Variants in RBBP8 observed in about 807,000 individuals in gnomAD.
RBBP8 encodes RB binding protein 8, endonuclease.
Under a neutral mutation model 108.3 loss-of-function variants are expected in RBBP8, and 88 were observed. The ratio of observed to expected loss-of-function variants is 0.81; its 90% CI spans 0.68 to 0.97. The LOEUF is 0.97. RBBP8 is among the 50% of genes least tolerant of loss of function. RBBP8 has a pLI of 0.00. For synonymous variants in RBBP8, 332 were observed against 348.2 expected (o/e 0.95, Z 0.52); for missense variants, 1,023 against 1,049.0 (o/e 0.98, Z 0.34).
chr18:22,939,462 G>A (rs1471433882), intron 2 of RBBP8, among the ~76,000 whole-genome samples: 1 of 151,962 alleles, frequency 6.6e-6, no homozygotes, highest in East Asian at 1.9e-4. Context: ...GGAGGCGGAG[G>A]TTGCAGTGAG....
At chr18:22,985,104 G>T in intron 8 of RBBP8, 114 bp downstream of exon 8, 1 of 1,403,760 alleles carries the variant, frequency 7.1e-7, no homozygotes, top group East Asian at 2.7e-5. Flanking sequence ...ATATAATTTT[G>T]TTTATATTAC....
chr18:22,963,063 A>G (rs149421532), intron 4 of RBBP8, among the ~76,000 whole-genome samples: 1,573 of 152,234 alleles, frequency 0.01, 23 homozygotes, highest in African/African-American at 0.036. Context: ...ATTTATTCAG[A>G]GTAGGAGATC....
Position 22,993,389 on chromosome 18 carries a change from TTTA to T in RBBP8, c.1564_1566del (p.Tyr522del). 1.9e-6 allele frequency: 3 copies of T among 1,614,240 alleles called. No homozygotes were observed. The highest frequency in any genetic ancestry group is 2.5e-6 in the Non-Finnish European group (3 of 1,180,038). ...AAAAACAAATTTAGGCAAGTGACTCTTTATGAGGCTTTGAAGACCATTCCAAAG... is the reference window on the plus strand; with the variant it reads ...AAAAACAAATTTAGGCAAGTGACTCTTGAGGCTTTGAAGACCATTCCAAAG... On this transcript the variant is annotated inframe_deletion, in exon 11 of 19. Coordinates refer to ENST00000327155, the MANE Select transcript of RBBP8 (RefSeq NM_002894.3).
chr18:22,976,177 T>A (rs948292961), intron 6 of RBBP8, among the ~76,000 whole-genome samples: 21 of 152,144 alleles, frequency 1.4e-4, no homozygotes, highest in African/African-American at 5.1e-4. Flanking sequence ...ACTGGTATAC[T>A]TTTAGGATAA....
At chr18:22,972,246 A>G (rs1383775901) in intron 5 of RBBP8, among the ~76,000 whole-genome samples, 2 of 149,226 alleles carry the variant, frequency 1.3e-5, no homozygotes, top group African/African-American at 4.9e-5. Flanking sequence ...AATCCCAGCT[A>G]CTCGGAAGGC....
At chr18:22,955,702 C>T (rs1004559325) in intron 4 of RBBP8, among the ~76,000 whole-genome samples, 1 of 151,952 alleles carries the variant, frequency 6.6e-6, no homozygotes, top group East Asian at 1.9e-4. Context: ...CTCAGCCTCC[C>T]GAGTGGCTGG....
intron 18 of RBBP8, among the ~76,000 whole-genome samples, chr18:23,022,672 T>TAAAAAAAATAAAATAAAATAAA (rs1169553930): frequency 8.5e-6 from 1 of 117,832 alleles, no homozygotes. Context: ...ATAAAATAAA[T>TAAAAAAAATAAAATAAAATAAA]AACTGTATAT....
intron 7 of RBBP8, among the ~76,000 whole-genome samples, chr18:22,983,099 T>A (rs1915057768): frequency 6.6e-6 from 1 of 152,248 alleles, no homozygotes; most frequent in Admixed American, 6.5e-5. Flanking sequence ...CCAGCCTAGT[T>A]TATCATTTCT....
At chr18:22,959,745 T>A (rs1912909105) in intron 4 of RBBP8, among the ~76,000 whole-genome samples, 1 of 152,050 alleles carries the variant, frequency 6.6e-6, no homozygotes, top group Non-Finnish European at 1.5e-5. Flanking sequence ...TTTGTGTGTG[T>A]GTGTGTGTAT....
At chr18:22,947,930 C>G (rs1204084988) in intron 3 of RBBP8, among the ~76,000 whole-genome samples, 2 of 152,018 alleles carry the variant, frequency 1.3e-5, no homozygotes, top group Non-Finnish European at 2.9e-5. Context: ...TACTGTCATG[C>G]TCTGCGTTAT....
chr18:22,951,956 CAGAA>C (rs1305840269), intron 4 of RBBP8, among the ~76,000 whole-genome samples: 1 of 152,140 alleles, frequency 6.6e-6, no homozygotes, highest in African/African-American at 2.4e-5. Flanking sequence ...ACTTGATTGA[CAGAA>C]AGGAACCATC....
In RBBP8 at chr18:23,022,136, C is replaced by T; in HGVS notation, c.2462C>T (p.Ala821Val). The change falls in exon 18 of 19, where the codon GCA (alanine) becomes GTA (valine). Residue 821 changes from alanine (A) to valine (V), a missense_variant. Physicochemically the swap from Ala to Val is moderately conservative, Grantham distance 64. Transcript: ENST00000327155. ...ACCAGTTTTTATTATTAGTATTATG[C>T]AGATATGCCAGCAGAAGAAAGAGAA... ...HTCKECEIYYADMPAEEREKK... is the reference protein window; with the variant it reads ...HTCKECEIYYVDMPAEEREKK... 2 of 1,597,428 alleles carry T rather than the reference C, an allele frequency of 1.3e-6. No homozygotes were observed. The highest frequency in any genetic ancestry group is 2.7e-5 in the African/African-American group (2 of 74,602).
intron 8 of RBBP8, among the ~76,000 whole-genome samples, chr18:22,987,946 C>T (rs1915443255): frequency 6.6e-6 from 1 of 152,210 alleles, no homozygotes; most frequent in African/African-American, 2.4e-5. Context: ...GACAGTTAAC[C>T]TGTCAAACCA....
Position 22,997,733 on chromosome 18 carries a change from A to G in RBBP8, c.2142A>G (p.Ser714=), listed in dbSNP as rs886053661. ...AAGAGCAGAAGGGAGAAAAAAGTTC[A>G]AGTAAGATCTGTTTTTGTTTTGTTA... The part of the protein sequence containing the change: ...KKQEQKGEKS[S]NEERKMNDSL... The change falls in exon 14 of 19, where the codon TCA becomes TCG. Residue 714 remains serine, a splice_region_variant and synonymous_variant. Coordinates refer to ENST00000327155, the MANE Select transcript of RBBP8 (RefSeq NM_002894.3). 2 of 1,563,346 alleles carry G rather than the reference A, an allele frequency of 1.3e-6. No individual in the cohort carries two copies. Among genetic ancestry groups the G allele is most frequent in the African/African-American group, 1.4e-5 (1 of 73,186 alleles).
chr18:23,013,888 A>AT lies in RBBP8; in HGVS notation c.2358-2934dup, dbSNP rs573232789. 8.4e-4 allele frequency among the ~76,000 whole-genome samples: 128 copies of AT among 152,310 alleles called. No individual in the cohort carries two copies. The Middle Eastern group carries it at 0.017, about 20-fold the overall frequency. On this transcript the variant is annotated intron_variant, in intron 16 of 18. Transcript: ENST00000327155. ...AGCAAGATAAAGTCAGCTAGGTCAG[A>AT]TTTTTTCCACTGTCATAATTTTTGC...
At chr18:22,968,264 G>T (rs1330672425) in intron 4 of RBBP8, among the ~76,000 whole-genome samples, 1 of 151,896 alleles carries the variant, frequency 6.6e-6, no homozygotes, top group Admixed American at 6.6e-5. Flanking sequence ...AGTAGAGACG[G>T]TGTTTACTGT....
chr18:22,944,035 C>T (rs1911331730), intron 2 of RBBP8, among the ~76,000 whole-genome samples: 1 of 152,160 alleles, frequency 6.6e-6, no homozygotes, highest in Admixed American at 6.5e-5. Flanking sequence ...ATCCCAGATA[C>T]TTTGTTCAAC....
intron 6 of RBBP8, among the ~76,000 whole-genome samples, chr18:22,980,198 A>G (rs773622930): frequency 1.3e-5 from 2 of 152,126 alleles, no homozygotes; most frequent in Non-Finnish European, 2.9e-5. Context: ...GTGAGCCGAG[A>G]TTGGACCACT....
intron 4 of RBBP8, among the ~76,000 whole-genome samples, chr18:22,962,866 A>ACATGC (rs1913229402): frequency 6.6e-6 from 1 of 151,928 alleles, no homozygotes; most frequent in Admixed American, 6.6e-5. Context: ...CTCCCAAAGT[A>ACATGC]CTGGAGTTAC....
Sources: gnomAD v4.1 joint callset for allele counts (sites outside exome capture counted in the v4.1 genomes callset) on GRCh38, gnomAD v4.1.1 for gene constraint, MANE v1.5 for transcripts, NCBI Gene and HGNC (gene_info 2026-07-23, HGNC 2026-07-21) for gene names.